ARHGAP26: variants seen among roughly 807,000 people sequenced by gnomAD.
ARHGAP26 encodes Rho GTPase activating protein 26.
In ARHGAP26, 38 loss-of-function variants were observed where a neutral mutation model predicts 104.8. That is an observed-to-expected ratio of 0.36 (90% confidence interval 0.28 to 0.48). The LOEUF (loss-of-function observed/expected upper bound fraction) is 0.48, where lower values mean the gene tolerates loss of function less well. Ranked by LOEUF, ARHGAP26 falls within the 20% of genes least tolerant of loss-of-function variation. The pLI is 0.99. For synonymous variants in ARHGAP26, 341 were observed against 340.0 expected, an observed-to-expected ratio of 1.00 and a Z score of -0.03; for missense variants, 704 against 947.9, an observed-to-expected ratio of 0.74 and a Z score of 3.38.
rs143927631 is a variant in ARHGAP26, at chr5:142,835,314, A to G, written c.155-38086A>G. Among the ~76,000 whole-genome samples the G allele has an allele frequency of 4.9e-4, 75 of 152,342 alleles. 1 individual carries two copies. The highest frequency in any genetic ancestry group is 4.7e-3 in the Admixed American group (72 of 15,304). On this transcript the variant is annotated intron_variant, in intron 1 of 22. Coordinates refer to ENST00000645722, the MANE Select transcript of ARHGAP26 (RefSeq NM_001135608.3). ...ACCCATCAGAGATAGAATTTATGGT[A>G]TAGAGATGTCTTCTTTTTCTTCTGG...
At chr5:143,012,463 G>A (rs1021250744) in intron 11 of ARHGAP26, among the ~76,000 whole-genome samples, 3 of 143,392 alleles carry the variant, frequency 2.1e-5, no homozygotes, top group Non-Finnish European at 3.0e-5. Flanking sequence ...AGAGGTAGTT[G>A]CCTTGGTTTC....
chr5:142,982,065 T>A (rs562728243), intron 11 of ARHGAP26, among the ~76,000 whole-genome samples: 3 of 152,362 alleles, frequency 2.0e-5, no homozygotes, highest in African/African-American at 7.2e-5. Context: ...CCAGCTCACC[T>A]TATGCTGCTT....
chr5:143,215,102 C>A (rs1351454957), intron 22 of ARHGAP26, among the ~76,000 whole-genome samples: 1 of 152,216 alleles, frequency 6.6e-6, no homozygotes, highest in South Asian at 2.1e-4. Flanking sequence ...GGAGTCCTGG[C>A]CCTGCCGTAA....
chr5:143,201,151 C>T (rs938925206), intron 20 of ARHGAP26, among the ~76,000 whole-genome samples: 1 of 152,190 alleles, frequency 6.6e-6, no homozygotes, highest in Admixed American at 6.5e-5. Flanking sequence ...TGGATGTAAG[C>T]CTACCAGTTG....
At chr5:142,814,120 CT>C (rs1367938356) in intron 1 of ARHGAP26, among the ~76,000 whole-genome samples, 3 of 152,198 alleles carry the variant, frequency 2.0e-5, no homozygotes, top group Non-Finnish European at 4.4e-5. Flanking sequence ...ACCCTTGTGT[CT>C]TGGCTACTTT....
At chr5:142,844,944 G>A (rs1771634613) in intron 1 of ARHGAP26, among the ~76,000 whole-genome samples, 1 of 152,040 alleles carries the variant, frequency 6.6e-6, no homozygotes, top group African/African-American at 2.4e-5. Context: ...TCTGATGCCT[G>A]CTGAACTTAA....
rs561561752 is a variant in ARHGAP26, at chr5:142,928,379, A to G, written c.1029-3668A>G. On this transcript the variant is annotated intron_variant, in intron 10 of 22. Transcript: ENST00000645722. ...CTTGTTTTGGATTAGCTCGTTGCCT[A>G]GAGTAGCGTTGTAAGCCCTCATATT... 7.2e-5 allele frequency among the ~76,000 whole-genome samples: 11 copies of G among 152,274 alleles called. No homozygotes were observed. In the South Asian group the frequency reaches 2.1e-3, roughly 29 times the overall value.
chr5:143,080,536 A>G (rs979333281), intron 17 of ARHGAP26, among the ~76,000 whole-genome samples: 1 of 152,192 alleles, frequency 6.6e-6, no homozygotes, highest in Non-Finnish European at 1.5e-5. Flanking sequence ...GTGAAGAGGT[A>G]GAGGAAGGTT....
chr5:143,092,868 A>C (rs1000423241), intron 17 of ARHGAP26, among the ~76,000 whole-genome samples: 6 of 152,228 alleles, frequency 3.9e-5, no homozygotes, highest in Admixed American at 2.0e-4. Flanking sequence ...ATTATTAGGC[A>C]ATTTTCCTAA....
rs140794309 is a variant in ARHGAP26 at position 143,115,299 on chromosome 5, C to T, written c.1539-5689C>T. On this transcript the variant is annotated intron_variant, in intron 17 of 22. Transcript: ENST00000645722. The stretch of plus-strand genomic sequence containing the variant: ...AGTGAGCCAAGATCACGCCATTGCA[C>T]TCCAGCCTGCACGACAAGAGTGAAA... 3.3e-3 allele frequency among the ~76,000 whole-genome samples: 507 copies of T among 151,788 alleles called. 15 individuals carry two copies. In the East Asian group the frequency reaches 0.069, roughly 21 times the overall value.
At chr5:142,996,383 C>T (rs2152770258) in intron 11 of ARHGAP26, among the ~76,000 whole-genome samples, 1 of 152,260 alleles carries the variant, frequency 6.6e-6, no homozygotes, top group South Asian at 2.1e-4. Flanking sequence ...ATCCCAGCTA[C>T]TTAGGAGGCT....
At chr5:143,172,286 G>A (rs1420363047) in intron 20 of ARHGAP26, among the ~76,000 whole-genome samples, 1 of 151,802 alleles carries the variant, frequency 6.6e-6, no homozygotes, top group Non-Finnish European at 1.5e-5. Context: ...AGGAATGTGA[G>A]GCTTGTTACT....
intron 11 of ARHGAP26, among the ~76,000 whole-genome samples, chr5:143,012,540 T>TATATACAC (rs1158338407): frequency 9.7e-5 from 4 of 41,070 alleles, no homozygotes; most frequent in African/African-American, 2.4e-4. Flanking sequence ...GATATATTTA[T>TATATACAC]ATACATACAT....
chr5:143,149,112 C>G (rs1027261660), intron 20 of ARHGAP26, among the ~76,000 whole-genome samples: 2 of 152,040 alleles, frequency 1.3e-5, no homozygotes, highest in Admixed American at 1.3e-4. Context: ...GATTTATTTT[C>G]ATAACATCCT....
chr5:143,110,098 C>G (rs1013700094), intron 17 of ARHGAP26, among the ~76,000 whole-genome samples: 2 of 152,230 alleles, frequency 1.3e-5, no homozygotes, highest in African/African-American at 4.8e-5. Context: ...GTCCTCATGG[C>G]TTGGCAAGAC....
chr5:143,102,945 T>C (rs1793466280), intron 17 of ARHGAP26, among the ~76,000 whole-genome samples: 1 of 152,154 alleles, frequency 6.6e-6, no homozygotes, highest in Admixed American at 6.5e-5. Context: ...CAAACGTTTA[T>C]ATAATGCCTC....
At chr5:143,120,885 G>T in intron 17 of ARHGAP26, 103 bp from the exon 18 acceptor site, 1 of 1,205,068 alleles carries the variant, frequency 8.3e-7, no homozygotes. Flanking sequence ...GGCTCCTACA[G>T]ATGAGGAGTC....
At chr5:143,155,730 T>C (rs1200657161) in intron 20 of ARHGAP26, among the ~76,000 whole-genome samples, 1 of 152,206 alleles carries the variant, frequency 6.6e-6, no homozygotes, top group Non-Finnish European at 1.5e-5. Context: ...TGGAAAAATG[T>C]TTTCCTTTAC....
intron 22 of ARHGAP26, chr5:143,216,828 CA>C (rs1409973947): frequency 6.5e-6 from 1 of 153,490 alleles, no homozygotes; most frequent in Non-Finnish European, 1.5e-5. Flanking sequence ...ATGGACCTGA[CA>C]AAACGTTAGT....
Sources: gnomAD v4.1 joint callset for allele counts (sites outside exome capture counted in the v4.1 genomes callset) on GRCh38, gnomAD v4.1.1 for gene constraint, MANE v1.5 for transcripts, NCBI Gene and HGNC (gene_info 2026-07-23, HGNC 2026-07-21) for gene names.